NFATC2: variants seen among roughly 807,000 people sequenced by gnomAD.
NFATC2 encodes the protein nuclear factor of activated T cells 2.
Under a neutral mutation model 87.3 loss-of-function variants are expected in NFATC2, and 22 were observed. That is an observed-to-expected ratio of 0.25 (90% CI 0.18 to 0.36). The LOEUF (loss-of-function observed/expected upper bound fraction) is 0.36, where lower values mean the gene tolerates loss of function less well. Ranked by LOEUF, NFATC2 falls within the 10% of genes least tolerant of loss-of-function variation. NFATC2 has a pLI of 1.00. For missense variants in NFATC2, 1,149 were observed against 1,259.1 expected (o/e 0.91, Z 1.32); for synonymous variants, 565 against 542.2 (o/e 1.04, Z -0.58).
intron 10 of NFATC2, among the ~76,000 whole-genome samples, chr20:51,392,976 A>C (rs1986542873): frequency 6.6e-6 from 1 of 152,218 alleles, no homozygotes; most frequent in African/African-American, 2.4e-5. Context: ...TAAAGTGGGA[A>C]TCATAGCACA....
At chr20:51,413,352 G>C (rs568754752) in intron 9 of NFATC2, among the ~76,000 whole-genome samples, 20 of 152,224 alleles carry the variant, frequency 1.3e-4, no homozygotes, top group South Asian at 8.3e-4. Context: ...CTAGGACCAG[G>C]ACACAGTCTG....
rs183130389 is a variant in NFATC2 at position 51,495,879 on chromosome 20, G to A, written c.1333-20219C>T. 7.2e-3 allele frequency among the ~76,000 whole-genome samples: 1,103 copies of A among 152,254 alleles called. 17 individuals are homozygous for A. Among genetic ancestry groups the A allele is most frequent in the Non-Finnish European group, 7.7e-3 (524 of 68,014 alleles). ...CTGTGGGAAACCTGTGGATCAGAGC[G>A]GACTCCCATTTTTCCCAGGAGGAGG... On this transcript the variant is annotated intron_variant, in intron 3 of 10. Transcript: ENST00000371564.
chr20:51,467,631 C>T (rs1987820585), intron 5 of NFATC2, among the ~76,000 whole-genome samples: 1 of 152,120 alleles, frequency 6.6e-6, no homozygotes, highest in Admixed American at 6.5e-5. Context: ...GGGAAATGCA[C>T]ATTAAAACCA....
In NFATC2 at chr20:51,516,964, G is replaced by T. The variant is rs1017419522; in HGVS notation, c.1161-9C>A. 6.3e-7 allele frequency: 1 copy of T among 1,597,224 alleles called. No homozygotes were observed. The highest frequency in any genetic ancestry group is 1.3e-5 in the African/African-American group (1 of 74,270). ...ATGCAGTCACTGGGATGCTAAAGGA[G>T]AAAATAAAATCAGCCATGTGTGCAA... On this transcript the variant is annotated splice_polypyrimidine_tract_variant and intron_variant, in intron 2 of 10. Transcript: ENST00000371564.
At chr20:51,502,756 AATCAAT>A (rs1320475267) in intron 3 of NFATC2, among the ~76,000 whole-genome samples, 1 of 152,226 alleles carries the variant, frequency 6.6e-6, no homozygotes, top group Non-Finnish European at 1.5e-5. Context: ...GGCAAGGTTT[AATCAAT>A]ATTCACCTGA....
intron 9 of NFATC2, among the ~76,000 whole-genome samples, chr20:51,411,541 TTTTTG>T (rs1979251162): frequency 7.5e-6 from 1 of 132,576 alleles, no homozygotes; most frequent in African/African-American, 3.0e-5. Context: ...TTTTTTTTTT[TTTTTG>T]AGACAGAGTC....
chr20:51,403,578 T>TA (rs1170267428), intron 9 of NFATC2, among the ~76,000 whole-genome samples: 1 of 152,146 alleles, frequency 6.6e-6, no homozygotes, highest in African/African-American at 2.4e-5. Flanking sequence ...GTGATGGTAT[T>TA]TGGAGATGGG....
chr20:51,452,921 G>C (rs1985979910), intron 6 of NFATC2: 1 of 154,724 alleles, frequency 6.5e-6, no homozygotes, highest in Non-Finnish European at 1.5e-5. Flanking sequence ...CACTGCCAGT[G>C]AGCAGCAGAG....
intron 5 of NFATC2, among the ~76,000 whole-genome samples, chr20:51,460,015 G>A (rs757857212): frequency 5.9e-5 from 9 of 152,202 alleles, no homozygotes; most frequent in Non-Finnish European, 1.0e-4. Context: ...TAAATTTTAT[G>A]TGTATTTTAC....
chr20:51,389,138 G>T lies in NFATC2; in HGVS notation c.*2358C>A, dbSNP rs1986066789. ...TAAGATGTCTTAGAAAAACAGAGGG[G>T]TTTATTTGTGTGTGTATTACACACA... On this transcript the variant is annotated 3_prime_UTR_variant, in exon 11 of 11. Coordinates refer to ENST00000371564, the MANE Select transcript of NFATC2 (RefSeq NM_012340.5). The T allele has an allele frequency of 6.6e-6, 1 of 152,114 alleles. No homozygotes were observed. The highest frequency in any genetic ancestry group is 2.1e-4 in the South Asian group (1 of 4,826). The allele number at this position is 152,114 out of a possible 1,614,324, so 9.4% of individuals were successfully genotyped here.
intron 3 of NFATC2, among the ~76,000 whole-genome samples, chr20:51,491,208 T>C (rs2075877120): frequency 6.6e-6 from 1 of 151,934 alleles, no homozygotes; most frequent in East Asian, 1.9e-4. Context: ...TTTGCACCAA[T>C]GACCCCTTCT....
chr20:51,413,604 A>C (rs961753223), intron 9 of NFATC2, among the ~76,000 whole-genome samples: 48 of 152,084 alleles, frequency 3.2e-4, no homozygotes, highest in Non-Finnish European at 1.0e-4. Context: ...CAAAATTAAG[A>C]AAAAACAGCC....
At chr20:51,508,340 C>T (rs2076218209) in intron 3 of NFATC2, among the ~76,000 whole-genome samples, 1 of 152,154 alleles carries the variant, frequency 6.6e-6, no homozygotes, top group South Asian at 2.1e-4. Flanking sequence ...GGCCAGGGTG[C>T]AGGTCTCAAT....
chr20:51,462,978 T>C (rs1263679931), intron 5 of NFATC2, among the ~76,000 whole-genome samples: 1 of 152,166 alleles, frequency 6.6e-6, no homozygotes, highest in African/African-American at 2.4e-5. Context: ...GGCAAGAAGG[T>C]TCCTCCCATT....
intron 1 of NFATC2, among the ~76,000 whole-genome samples, chr20:51,535,860 C>T (rs549623443): frequency 6.6e-6 from 1 of 152,266 alleles, no homozygotes; most frequent in African/African-American, 2.4e-5. Context: ...CCCTTCAGAC[C>T]CAGCTGAAGA....
chr20:51,396,954 A>T (rs1600647190), intron 10 of NFATC2, among the ~76,000 whole-genome samples: 1 of 151,856 alleles, frequency 6.6e-6, no homozygotes, highest in Non-Finnish European at 1.5e-5. Context: ...CCTCCGTCAC[A>T]CAGGCTGGAG....
intron 4 of NFATC2, among the ~76,000 whole-genome samples, chr20:51,474,459 A>AGT (rs1988522142): frequency 6.6e-6 from 1 of 152,250 alleles, no homozygotes; most frequent in South Asian, 2.1e-4. Context: ...AGATAAGAGT[A>AGT]GTGAATCAAC....
chr20:51,398,605 G>T, intron 10 of NFATC2, 38 bp downstream of exon 10: 1 of 1,462,722 alleles, frequency 6.8e-7, no homozygotes, highest in Non-Finnish European at 9.3e-7. Context: ...GAAACACACA[G>T]CTGGAAAACA....
rs374072163 is a variant in NFATC2 at position 51,517,434 on chromosome 20, C to CA, written c.1161-480dup. On this transcript the variant is annotated intron_variant, in intron 2 of 10. Transcript: ENST00000371564. ...AGAGACCCTGTCTCTACTAAAAATA[C>CA]AAAAAAAATCAGCCAAGCAATGTGG... Among the ~76,000 whole-genome samples, 13 of 151,332 alleles carry CA rather than the reference C, an allele frequency of 8.6e-5. No individual in the cohort carries two copies. The East Asian group carries it at 1.8e-3, about 20-fold the overall frequency.
Sources: gnomAD v4.1 joint callset for allele counts (sites outside exome capture counted in the v4.1 genomes callset) on GRCh38, gnomAD v4.1.1 for gene constraint, MANE v1.5 for transcripts, NCBI Gene and HGNC (gene_info 2026-07-23, HGNC 2026-07-21) for gene names.